Variants in TTC7A observed in about 807,000 individuals in gnomAD.
The protein encoded by TTC7A is tetratricopeptide repeat domain 7A, also known as tetratricopeptide repeat protein 7A.
TTC7A carries 110 observed loss-of-function variants against 103.7 expected under a neutral mutation model. The ratio of observed to expected loss-of-function variants is 1.06; its 90% confidence interval spans 0.91 to 1.24. TTC7A has a LOEUF of 1.24. TTC7A is among the 50% of genes most tolerant of loss of function. The pLI is 0.00. For missense variants in TTC7A, 1,340 were observed against 1,116.3 expected, an observed-to-expected ratio of 1.20 and a Z score of -2.86; for synonymous variants, 521 against 467.9, an observed-to-expected ratio of 1.11 and a Z score of -1.47.
At chr2:47,056,051 C>T (rs1683288955) in intron 18 of TTC7A, among the ~76,000 whole-genome samples, 1 of 152,018 alleles carries the variant, frequency 6.6e-6, no homozygotes, top group Non-Finnish European at 1.5e-5. Context: ...ACTCTCAGGA[C>T]AGGCCCATGC....
Position 46,978,895 on chromosome 2 carries a change from A to T in TTC7A, c.752A>T (p.Asn251Ile), listed in dbSNP as rs371810821. 1.2e-5 allele frequency: 19 copies of T among 1,613,496 alleles called. No individual in the cohort carries two copies. In the East Asian group the frequency reaches 3.1e-4, roughly 26 times the overall value. Residue 251 changes from asparagine (N) to isoleucine (I), a missense_variant, in exon 5 of 20, where the codon AAC becomes ATC. Coordinates refer to ENST00000319190, the MANE Select transcript of TTC7A (RefSeq NM_020458.4). ...GCCCTCCAGAGCGCCTATGTGAAAAACCTGAAGAAGGGGTAGGTCACTGGT... is the reference window on the plus strand; with the variant it reads ...GCCCTCCAGAGCGCCTATGTGAAAATCCTGAAGAAGGGGTAGGTCACTGGT... ...EAALQSAYVK[N>I]LKKGNIVKGM...
chr2:46,953,215 G>A (rs891976299), intron 2 of TTC7A, among the ~76,000 whole-genome samples: 3 of 152,118 alleles, frequency 2.0e-5, no homozygotes, highest in African/African-American at 7.2e-5. Flanking sequence ...GTGCAGTGGC[G>A]TGAACATGGC....
chr2:47,046,262 G>C (rs984277011), intron 15 of TTC7A, 53 bp from the exon 16 acceptor site: 2 of 1,439,438 alleles, frequency 1.4e-6, no homozygotes, highest in Admixed American at 1.7e-5. Context: ...GGATCCCCAG[G>C]TGAAAGTGGG....
At chr2:47,064,639 A>G (rs532704060) in intron 19 of TTC7A, among the ~76,000 whole-genome samples, 11 of 152,286 alleles carry the variant, frequency 7.2e-5, no homozygotes, top group Admixed American at 5.2e-4. Context: ...AGGCACTTCC[A>G]AGGGCAGAAG....
In TTC7A at chr2:46,973,923, C is replaced by T. The variant is rs1572776075; in HGVS notation, c.518-1050C>T. Among the ~76,000 whole-genome samples, 10 of 152,134 alleles carry T rather than the reference C, an allele frequency of 6.6e-5. No individual in the cohort carries two copies. In the South Asian group the frequency reaches 2.1e-3, roughly 32 times the overall value. ...AAGGGAGGTTTCCCCAAAACAAGAA[C>T]GTTTTGGCAGCTGCTGAGAAATCCC... On this transcript the variant is annotated intron_variant, in intron 3 of 19. Transcript: ENST00000319190.
intron 19 of TTC7A, among the ~76,000 whole-genome samples, chr2:47,067,032 C>A (rs967864704): frequency 6.6e-6 from 1 of 152,130 alleles, no homozygotes; most frequent in African/African-American, 2.4e-5. Context: ...AAGGGGAAGC[C>A]GAACTCATCC....
intron 5 of TTC7A, among the ~76,000 whole-genome samples, chr2:46,992,958 G>A (rs1023458302): frequency 6.6e-6 from 1 of 152,254 alleles, no homozygotes; most frequent in Non-Finnish European, 1.5e-5. Context: ...CACAGAGGCT[G>A]ACTGAAAGTG....
intron 3 of TTC7A, among the ~76,000 whole-genome samples, chr2:46,961,901 T>A (rs1672415263): frequency 6.6e-6 from 1 of 152,130 alleles, no homozygotes; most frequent in South Asian, 2.1e-4. Flanking sequence ...AGAACAAGAC[T>A]CCGTCTCAGA....
At chr2:47,066,756 A>T (rs896637650) in intron 19 of TTC7A, among the ~76,000 whole-genome samples, 1 of 152,198 alleles carries the variant, frequency 6.6e-6, no homozygotes, top group Non-Finnish European at 1.5e-5. Flanking sequence ...AGGTCTCACT[A>T]TGTTGCCCAG....
intron 19 of TTC7A, chr2:47,065,951 C>T (rs1246029541): frequency 6.6e-6 from 1 of 152,212 alleles, no homozygotes; most frequent in African/African-American, 2.4e-5. Flanking sequence ...TTCCCCAGCC[C>T]CTCCCCTCCT....
At chr2:47,037,070 C>T (rs1681193908) in intron 15 of TTC7A, among the ~76,000 whole-genome samples, 1 of 152,210 alleles carries the variant, frequency 6.6e-6, no homozygotes, top group Non-Finnish European at 1.5e-5. Context: ...TGGCCCCTCT[C>T]TCCCACTATA....
chr2:46,999,855 A>C, intron 8 of TTC7A: 1 of 985,448 alleles, frequency 1.0e-6, no homozygotes, highest in Non-Finnish European at 1.2e-6. Context: ...TAGAAATGGA[A>C]AGGGTACAGA....
chr2:46,920,092 CCT>C (rs1162535681), intron 2 of TTC7A, among the ~76,000 whole-genome samples: 2 of 152,066 alleles, frequency 1.3e-5, no homozygotes, highest in Non-Finnish European at 2.9e-5. Context: ...TTCTTCCGTC[CCT>C]GACTTTATCA....
At chr2:46,976,366 T>C (rs762696163) in intron 4 of TTC7A, among the ~76,000 whole-genome samples, 6 of 152,208 alleles carry the variant, frequency 3.9e-5, no homozygotes, top group Admixed American at 2.6e-4. Context: ...GGGGAAGATA[T>C]TGGGGATGAT....
intron 3 of TTC7A, among the ~76,000 whole-genome samples, chr2:46,970,905 C>T (rs1558522482): frequency 6.6e-6 from 1 of 152,246 alleles, no homozygotes; most frequent in South Asian, 2.1e-4. Context: ...GTTCTCTGCC[C>T]GCTTTCCTCC....
Position 47,011,382 on chromosome 2 carries a change from G to T in TTC7A, c.1339G>T (p.Asp447Tyr), listed in dbSNP as rs753339703. Residue 447 changes from aspartate (D) to tyrosine (Y), a missense_variant, in exon 11 of 20, where the codon GAC becomes TAC. Physicochemically the swap from Asp to Tyr is radical, Grantham distance 160. Coordinates refer to ENST00000319190, the MANE Select transcript of TTC7A (RefSeq NM_020458.4). ...GGAGTGTGTGAAGTTGCGGCCCTCG[G>T]ACCCCACCGTGCCCCTGATGGCCGC... is the stretch of plus-strand genomic sequence containing the variant. The part of the protein sequence containing the change: ...LRECVKLRPS[D>Y]PTVPLMAAKV... 6.2e-7 allele frequency: 1 copy of T among 1,612,284 alleles called. No homozygotes were observed. The highest frequency in any genetic ancestry group is 1.1e-5 in the South Asian group (1 of 91,002).
chr2:47,045,957 C>T (rs766169741), intron 15 of TTC7A, among the ~76,000 whole-genome samples: 6 of 152,248 alleles, frequency 3.9e-5, no homozygotes, highest in Middle Eastern at 6.8e-3. Flanking sequence ...AGGCACAGGG[C>T]GTTGCTTAGT....
Position 47,021,993 on chromosome 2 carries a change from C to T in TTC7A, c.1510+14C>T, listed in dbSNP as rs1558588770. 1.3e-6 allele frequency: 2 copies of T among 1,586,658 alleles called. No homozygotes were observed. The highest frequency in any genetic ancestry group is 1.7e-6 in the Non-Finnish European group (2 of 1,157,872). On this transcript the variant is annotated intron_variant, in intron 12 of 19. Coordinates refer to ENST00000319190, the MANE Select transcript of TTC7A (RefSeq NM_020458.4). ...AGGCCACCGACGGTGAGTGCCAGGC[C>T]CCAGGAGGCCTCTACTTGGGGATGG...
chr2:46,920,924 T>C (rs1446474707), intron 2 of TTC7A, among the ~76,000 whole-genome samples: 2 of 151,590 alleles, frequency 1.3e-5, no homozygotes, highest in African/African-American at 4.9e-5. Flanking sequence ...AGAAAAACTA[T>C]ATGATAATTT....
Sources: allele counts gnomAD v4.1 joint callset (sites outside exome capture counted in the v4.1 genomes callset), GRCh38; gene constraint gnomAD v4.1.1; transcripts MANE v1.5; gene names NCBI Gene and HGNC (gene_info 2026-07-23, HGNC 2026-07-21).